The following SGCD variants were observed in gnomAD, a reference collection of about 807,000 sequenced individuals.
SGCD encodes the protein delta-sarcoglycan.
Under a neutral mutation model 36.6 loss-of-function variants are expected in SGCD, and 18 were observed. The observed-to-expected ratio is 0.49, with a 90% confidence interval of 0.34 to 0.73. The LOEUF (loss-of-function observed/expected upper bound fraction) is 0.73, where lower values mean the gene tolerates loss of function less well. Among genes scored for constraint, SGCD ranks in the 30% least tolerant of loss-of-function variants. The probability of loss-of-function intolerance (pLI) is 0.01; values close to 1 mark genes in which losing one functional copy is unlikely to be tolerated. For synonymous variants in SGCD, 133 were observed against 130.6 expected, an observed-to-expected ratio of 1.02 and a Z score of -0.12; for missense variants, 387 against 346.7, an observed-to-expected ratio of 1.12 and a Z score of -0.92.
At chr5:156,496,838 T>C (rs912761463) in intron 3 of SGCD, among the ~76,000 whole-genome samples, 1 of 152,148 alleles carries the variant, frequency 6.6e-6, no homozygotes, top group African/African-American at 2.4e-5. Context: ...TCTGTATCCC[T>C]GAGTGACTAC....
intron 3 of SGCD, among the ~76,000 whole-genome samples, chr5:156,384,246 G>C (rs554040854): frequency 6.6e-6 from 1 of 152,118 alleles, no homozygotes; most frequent in African/African-American, 2.4e-5. Flanking sequence ...TTCCTACTTC[G>C]TTAGTCTACT....
the SGCD span, among the ~76,000 whole-genome samples, chr5:155,807,321 GT>G: frequency 6.6e-6 from 1 of 152,176 alleles, no homozygotes; most frequent in South Asian, 2.1e-4. Flanking sequence ...CTTTCCTTTG[GT>G]TGGTTTTTCC....
chr5:156,283,820 A>G lies in SGCD; in HGVS notation c.-43-45714A>G, dbSNP rs1176017530. On this transcript the variant is annotated intron_variant, in intron 3 of 9. Coordinates refer to the SGCD transcript ENST00000517913. ...GGTGGCAGACCACACGTTGAGAAGCAGTGTTCGACCTCAGAATAGAAGATT... is the reference window on the plus strand; with the variant it reads ...GGTGGCAGACCACACGTTGAGAAGCGGTGTTCGACCTCAGAATAGAAGATT... Among the ~76,000 whole-genome samples, 3 of 152,314 alleles carry G rather than the reference A, an allele frequency of 2.0e-5. No homozygotes were observed. The East Asian group carries it at 5.8e-4, about 29-fold the overall frequency.
intron 3 of SGCD, among the ~76,000 whole-genome samples, chr5:156,307,961 A>G (rs1429318236): frequency 2.6e-5 from 4 of 150,968 alleles, no homozygotes; most frequent in African/African-American, 9.6e-5. Flanking sequence ...TTTTATACTA[A>G]TTTTTTAAAA....
rs1005429699 is a variant in SGCD, at chr5:156,595,014, T to C, written c.465T>C (p.Asn155=). Residue 155 remains asparagine, a synonymous_variant, in exon 6 of 9, where the codon AAT becomes AAC. Transcript: ENST00000337851. ...SGKLLFSADN[N]EVVVGAERLR... ...AATTGCTCTTCTCTGCAGACAATAA[T>C]GAAGTGGTAGTAGGAGCTGAAAGAT... 6.2e-7 allele frequency: 1 copy of C among 1,612,264 alleles called. No individual in the cohort carries two copies. Among genetic ancestry groups the C allele is most frequent in the Non-Finnish European group, 8.5e-7 (1 of 1,178,734 alleles).
intron 6 of SGCD, among the ~76,000 whole-genome samples, chr5:156,647,208 G>A (rs1275653602): frequency 2.0e-5 from 3 of 152,134 alleles, no homozygotes; most frequent in Non-Finnish European, 4.4e-5. Context: ...TTCTGAAGCC[G>A]AGATGGAATT....
chr5:156,218,209 G>A (rs557489324), intron 3 of SGCD, among the ~76,000 whole-genome samples: 25 of 152,074 alleles, frequency 1.6e-4, no homozygotes, highest in African/African-American at 4.8e-4. Context: ...CCGAGATGGC[G>A]CCACTGCACT....
chr5:156,286,434 A>T (rs1178529382), intron 3 of SGCD, among the ~76,000 whole-genome samples: 3 of 152,366 alleles, frequency 2.0e-5, no homozygotes, highest in East Asian at 1.9e-4. Context: ...CAAATGTCCA[A>T]CAATGATAGA....
At chr5:156,640,604 A>G (rs1473218945) in intron 6 of SGCD, among the ~76,000 whole-genome samples, 1 of 152,180 alleles carries the variant, frequency 6.6e-6, no homozygotes, top group Admixed American at 6.6e-5. Flanking sequence ...CAACAGGCAG[A>G]ATGGCTGTAG....
At chr5:156,333,639 T>C (rs115014906) in intron 2 of SGCD, among the ~76,000 whole-genome samples, 1,940 of 152,188 alleles carry the variant, frequency 0.013, 49 homozygotes, top group African/African-American at 0.045. Context: ...TCTCATTGGC[T>C]CAACTGTAAA....
At chr5:156,731,150 T>C (rs1013963829) in intron 7 of SGCD, among the ~76,000 whole-genome samples, 1 of 152,082 alleles carries the variant, frequency 6.6e-6, no homozygotes, top group African/African-American at 2.4e-5. Context: ...CTTAAACAAA[T>C]TTACAAGAAA....
At chr5:156,633,999 T>C (rs1440363765) in intron 6 of SGCD, among the ~76,000 whole-genome samples, 3 of 152,136 alleles carry the variant, frequency 2.0e-5, no homozygotes, top group Non-Finnish European at 4.4e-5. Context: ...GATGGTCACC[T>C]CCCTAGTGAT....
chr5:156,499,914 C>T (rs148376735), intron 3 of SGCD, among the ~76,000 whole-genome samples: 15 of 152,146 alleles, frequency 9.9e-5, no homozygotes, highest in Non-Finnish European at 1.2e-4. Context: ...TTATAATAGT[C>T]GAATACATTA....
intron 1 of SGCD, among the ~76,000 whole-genome samples, chr5:156,076,100 A>G (rs928936753): frequency 3.3e-5 from 5 of 152,012 alleles, no homozygotes; most frequent in Non-Finnish European, 7.4e-5. Flanking sequence ...ACTGCCTACT[A>G]TCTCGCGGTC....
chr5:155,789,429 C>A, the SGCD span, among the ~76,000 whole-genome samples: 1 of 151,812 alleles, frequency 6.6e-6, no homozygotes, highest in Non-Finnish European at 1.5e-5. Flanking sequence ...TAATGGAGAC[C>A]CTCTGGAATT....
chr5:156,283,752 G>A (rs1022953715), intron 3 of SGCD, among the ~76,000 whole-genome samples: 4 of 152,152 alleles, frequency 2.6e-5, no homozygotes, highest in African/African-American at 7.2e-5. Flanking sequence ...TAGATCTGGG[G>A]TTATGCCCAA....
At chr5:156,071,238 G>T (rs929103266) in intron 1 of SGCD, among the ~76,000 whole-genome samples, 28 of 152,076 alleles carry the variant, frequency 1.8e-4, no homozygotes, top group Non-Finnish European at 3.4e-4. Context: ...GTCAATTTTG[G>T]ATCTTTCCTG....
chr5:156,715,416 A>G (rs1475557248), intron 7 of SGCD, among the ~76,000 whole-genome samples: 7 of 152,190 alleles, frequency 4.6e-5, no homozygotes, highest in Non-Finnish European at 1.0e-4. Flanking sequence ...TTACACTTGC[A>G]CAATTAGGGC....
At chr5:156,416,551 A>G (rs189775017) in intron 3 of SGCD, among the ~76,000 whole-genome samples, 41 of 152,222 alleles carry the variant, frequency 2.7e-4, no homozygotes, top group Non-Finnish European at 4.3e-4. Context: ...ATGGGGGGGG[A>G]AAAAAGTGCT....
Sources: gnomAD v4.1 joint callset for allele counts (sites outside exome capture counted in the v4.1 genomes callset) on GRCh38, gnomAD v4.1.1 for gene constraint, MANE v1.5 for transcripts, NCBI Gene and HGNC (gene_info 2026-07-23, HGNC 2026-07-21) for gene names.